The following KCTD16 variants were observed in gnomAD, a reference collection of about 807,000 sequenced individuals.
The protein encoded by KCTD16 is BTB/POZ domain-containing protein KCTD16.
KCTD16 carries 13 observed loss-of-function variants against 33.2 expected under a neutral mutation model. The observed-to-expected ratio is 0.39, with a 90% CI of 0.25 to 0.62. The LOEUF is 0.62. Among genes scored for constraint, KCTD16 ranks in the 20% least tolerant of loss-of-function variants. The pLI is 0.50. For missense variants in KCTD16, 441 were observed against 525.1 expected, an observed-to-expected ratio of 0.84 and a Z score of 1.57; for synonymous variants, 197 against 195.3, an observed-to-expected ratio of 1.01 and a Z score of -0.07.
intron 3 of KCTD16, among the ~76,000 whole-genome samples, chr5:144,228,492 G>A (rs1039127139): frequency 2.0e-5 from 3 of 152,196 alleles, no homozygotes. Context: ...TATTTCAGAG[G>A]AATCGTAGCA....
chr5:144,307,433 C>T (rs1033181684), intron 3 of KCTD16, among the ~76,000 whole-genome samples: 1 of 152,168 alleles, frequency 6.6e-6, no homozygotes, highest in Non-Finnish European at 1.5e-5. Context: ...ACCCTCAGCA[C>T]CCATCTAGTG....
At position 144,232,287 on chromosome 5, in the gene KCTD16, A is replaced by G. The variant is rs146641300; in HGVS notation, c.832+24741A>G. 5.6e-3 allele frequency among the ~76,000 whole-genome samples: 849 copies of G among 152,324 alleles called. 7 individuals are homozygous for G. The highest frequency in any genetic ancestry group is 0.019 in the African/African-American group (809 of 41,570). On this transcript the variant is annotated intron_variant, in intron 3 of 3. Transcript: ENST00000512467. ...GATCACAATATTTTATTTGTTTTTG[A>G]AATTCCAGATATTCTCCTAATGATG... is the stretch of plus-strand genomic sequence containing the variant.
chr5:144,257,890 C>T (rs1178076562), intron 3 of KCTD16, among the ~76,000 whole-genome samples: 2 of 152,124 alleles, frequency 1.3e-5, no homozygotes, highest in Non-Finnish European at 2.9e-5. Flanking sequence ...CTACCAGTAC[C>T]ACCAAGCTCT....
chr5:144,415,392 G>A (rs1229337691), intron 3 of KCTD16, among the ~76,000 whole-genome samples: 4 of 152,100 alleles, frequency 2.6e-5, no homozygotes, highest in Admixed American at 1.3e-4. Context: ...CCGAGGATGA[G>A]GTCATTGTGG....
At chr5:144,208,546 T>C (rs373196320) in intron 3 of KCTD16, among the ~76,000 whole-genome samples, 1 of 152,372 alleles carries the variant, frequency 6.6e-6, no homozygotes, top group East Asian at 1.9e-4. Flanking sequence ...ACAAGAAATA[T>C]GTTTCCAGTG....
chr5:144,361,202 A>G (rs924204074), intron 3 of KCTD16, among the ~76,000 whole-genome samples: 1 of 151,670 alleles, frequency 6.6e-6, no homozygotes, highest in Non-Finnish European at 1.5e-5. Flanking sequence ...ATGATTTCCA[A>G]TTTCATCCAT....
intron 3 of KCTD16, among the ~76,000 whole-genome samples, chr5:144,326,135 T>G (rs1414624575): frequency 1.3e-5 from 2 of 152,142 alleles, no homozygotes; most frequent in African/African-American, 2.4e-5. Context: ...GTATATTTTA[T>G]AAAATATTTG....
Position 144,177,290 on chromosome 5 carries a change from A to G in KCTD16, c.-327+2818A>G, listed in dbSNP as rs1480466598. ...GTGCAGAAATTATTGGTAAGAAGGA[A>G]CATTATACTGCTGTTGAGGAATGGA... On this transcript the variant is annotated intron_variant, in intron 2 of 3. Coordinates refer to ENST00000512467, the MANE Select transcript of KCTD16 (RefSeq NM_020768.4). Among the ~76,000 whole-genome samples, 9 of 152,216 alleles carry G rather than the reference A, an allele frequency of 5.9e-5. No homozygotes were observed. In the South Asian group the frequency reaches 8.3e-4, roughly 14 times the overall value.
intron 3 of KCTD16, among the ~76,000 whole-genome samples, chr5:144,379,192 C>A (rs567866589): frequency 6.6e-6 from 1 of 152,164 alleles, no homozygotes; most frequent in African/African-American, 2.4e-5. Flanking sequence ...AAGGTTTTCC[C>A]ATTTTTATGC....
rs539970720 is a variant in KCTD16 at position 144,173,635 on chromosome 5, C to T, written c.-492-672C>T. ...CTGAACTTAAAATTTAAAAAATTTG[C>T]CTGTTTAGGAATGAATTATTAGATA... On this transcript the variant is annotated intron_variant, in intron 1 of 3. Coordinates refer to ENST00000512467, the MANE Select transcript of KCTD16 (RefSeq NM_020768.4). Among the ~76,000 whole-genome samples the T allele has an allele frequency of 3.9e-4, 60 of 152,156 alleles. No homozygotes were observed. The South Asian group carries it at 0.011, about 29-fold the overall frequency.
chr5:144,462,362 T>C (rs1754216118), intron 3 of KCTD16, among the ~76,000 whole-genome samples: 1 of 152,166 alleles, frequency 6.6e-6, no homozygotes, highest in African/African-American at 2.4e-5. Context: ...TGCCAGCTAA[T>C]CAATCTGCAG....
chr5:144,339,352 CTA>C (rs1414086374), intron 3 of KCTD16, among the ~76,000 whole-genome samples: 1 of 152,220 alleles, frequency 6.6e-6, no homozygotes, highest in East Asian at 1.9e-4. Flanking sequence ...ACTAGCTTTA[CTA>C]TCTCTTTGTA....
At chr5:144,320,788 G>C (rs1254915652) in intron 3 of KCTD16, among the ~76,000 whole-genome samples, 2 of 150,340 alleles carry the variant, frequency 1.3e-5, no homozygotes, top group Admixed American at 1.3e-4. Context: ...TTCCATACTA[G>C]CTTTAGGGAA....
At chr5:144,176,900 T>C (rs1402254057) in intron 2 of KCTD16, among the ~76,000 whole-genome samples, 4 of 152,242 alleles carry the variant, frequency 2.6e-5, no homozygotes, top group Non-Finnish European at 5.9e-5. Context: ...TTCTTGTCGA[T>C]TTAAGTTCCT....
chr5:144,314,371 AG>A (rs35387563), intron 3 of KCTD16, among the ~76,000 whole-genome samples: 1 of 152,168 alleles, frequency 6.6e-6, no homozygotes, highest in African/African-American at 2.4e-5. Flanking sequence ...AAGCTCAGGC[AG>A]GGGAAATTTC....
At chr5:144,203,246 C>G (rs1392201752) in intron 2 of KCTD16, among the ~76,000 whole-genome samples, 1 of 151,590 alleles carries the variant, frequency 6.6e-6, no homozygotes, top group Admixed American at 6.6e-5. Context: ...TATTAATACT[C>G]TTTTTAAGAG....
intron 3 of KCTD16, among the ~76,000 whole-genome samples, chr5:144,457,952 T>C (rs2126989890): frequency 6.6e-6 from 1 of 152,362 alleles, no homozygotes; most frequent in East Asian, 1.9e-4. Context: ...AGGCCTTGCC[T>C]GTTTCCAGAG....
At chr5:144,298,940 A>G (rs969940090) in intron 3 of KCTD16, among the ~76,000 whole-genome samples, 6 of 148,246 alleles carry the variant, frequency 4.0e-5, no homozygotes, top group Admixed American at 6.8e-5. Flanking sequence ...TTCACCCAGT[A>G]TCCTGATCAG....
chr5:144,412,835 G>A (rs985862554), intron 3 of KCTD16, among the ~76,000 whole-genome samples: 4 of 152,110 alleles, frequency 2.6e-5, no homozygotes, highest in African/African-American at 9.7e-5. Context: ...GCAGTGAGCC[G>A]AGATCATGCC....
Sources: allele counts gnomAD v4.1 joint callset (sites outside exome capture counted in the v4.1 genomes callset), GRCh38; gene constraint gnomAD v4.1.1; transcripts MANE v1.5; gene names NCBI Gene and HGNC (gene_info 2026-07-23, HGNC 2026-07-21).